The following ARHGAP24 variants were observed in gnomAD, a reference collection of about 807,000 sequenced individuals.
ARHGAP24 encodes Rho GTPase activating protein 24.
Under a neutral mutation model 76.4 loss-of-function variants are expected in ARHGAP24, and 50 were observed. The observed-to-expected ratio is 0.65, with a 90% confidence interval of 0.52 to 0.83. The LOEUF is 0.83. Ranked by LOEUF, ARHGAP24 falls within the 40% of genes least tolerant of loss-of-function variation. ARHGAP24 has a pLI of 0.00. For synonymous variants in ARHGAP24, 345 were observed against 323.3 expected, an observed-to-expected ratio of 1.07 and a Z score of -0.72; for missense variants, 930 against 914.2, an observed-to-expected ratio of 1.02 and a Z score of -0.22.
intron 6 of ARHGAP24, among the ~76,000 whole-genome samples, chr4:85,972,974 T>G (rs1266706610): frequency 6.6e-6 from 1 of 152,204 alleles, no homozygotes; most frequent in East Asian, 1.9e-4. Flanking sequence ...GAGAGACCTT[T>G]GGGGTTTTTT....
intron 3 of ARHGAP24, among the ~76,000 whole-genome samples, chr4:85,874,840 T>TTATATAATTTATATATAAATATA (rs1732750308): frequency 1.9e-4 from 1 of 5,338 alleles, no homozygotes; most frequent in African/African-American, 5.9e-4. Flanking sequence ...TAAAATATAT[T>TTATATAATTTATATATAAATATA]TTTATATAAT....
intron 1 of ARHGAP24, among the ~76,000 whole-genome samples, chr4:85,478,958 G>A (rs539047568): frequency 6.6e-6 from 1 of 152,260 alleles, no homozygotes; most frequent in African/African-American, 2.4e-5. Context: ...TTCCTCACTG[G>A]GTAGATTGGT....
At chr4:85,571,815 T>C (rs1214064130) in intron 2 of ARHGAP24, among the ~76,000 whole-genome samples, 2 of 152,226 alleles carry the variant, frequency 1.3e-5, no homozygotes, top group East Asian at 3.8e-4. Flanking sequence ...AGGTAGGTAT[T>C]GTTAACTCTC....
chr4:85,959,156 T>C (rs1738097879), intron 5 of ARHGAP24, among the ~76,000 whole-genome samples: 2 of 152,216 alleles, frequency 1.3e-5, no homozygotes. Context: ...GATGATATGC[T>C]AAACAAGCGA....
intron 3 of ARHGAP24, among the ~76,000 whole-genome samples, chr4:85,763,833 T>C (rs1373492225): frequency 6.6e-6 from 1 of 152,166 alleles, no homozygotes; most frequent in Non-Finnish European, 1.5e-5. Context: ...CACAAATGTA[T>C]GCTTTCTTAC....
intron 2 of ARHGAP24, among the ~76,000 whole-genome samples, chr4:85,636,385 T>C (rs1206558426): frequency 1.3e-5 from 2 of 151,994 alleles, no homozygotes; most frequent in Non-Finnish European, 2.9e-5. Flanking sequence ...CAGAGTCCCC[T>C]GACACTTGAG....
intron 3 of ARHGAP24, among the ~76,000 whole-genome samples, chr4:85,897,863 G>T (rs1377032022): frequency 2.6e-5 from 4 of 151,906 alleles, no homozygotes; most frequent in African/African-American, 9.7e-5. Context: ...GCAAGCAAGG[G>T]GGGAGATAAA....
chr4:85,648,043 C>T (rs1242095664), intron 2 of ARHGAP24, among the ~76,000 whole-genome samples: 1 of 152,110 alleles, frequency 6.6e-6, no homozygotes, highest in Non-Finnish European at 1.5e-5. Context: ...ATAAATGCGT[C>T]TAAGTAAGTC....
intron 3 of ARHGAP24, among the ~76,000 whole-genome samples, chr4:85,751,648 C>T (rs962737256): frequency 6.6e-6 from 1 of 152,158 alleles, no homozygotes; most frequent in Non-Finnish European, 1.5e-5. Context: ...AATGAGAAAA[C>T]AGTGTGGATT....
intron 8 of ARHGAP24, among the ~76,000 whole-genome samples, chr4:85,982,566 C>T (rs1043746553): frequency 6.6e-6 from 1 of 152,094 alleles, no homozygotes; most frequent in African/African-American, 2.4e-5. Flanking sequence ...TTCAGGAGAC[C>T]TCACTGAGCA....
At chr4:85,719,520 A>G (rs902337856) in intron 2 of ARHGAP24, among the ~76,000 whole-genome samples, 37 of 152,214 alleles carry the variant, frequency 2.4e-4, no homozygotes, top group African/African-American at 8.9e-4. Flanking sequence ...AAAATTGAGT[A>G]AAATACTACT....
At chr4:85,731,573 C>T (rs1412099596) in intron 3 of ARHGAP24, among the ~76,000 whole-genome samples, 4 of 152,140 alleles carry the variant, frequency 2.6e-5, no homozygotes. Context: ...TTCCCAGTGC[C>T]TCCTGAGACT....
intron 3 of ARHGAP24, among the ~76,000 whole-genome samples, chr4:85,867,898 C>CAT (rs113874290): frequency 0.028 from 2,936 of 106,664 alleles, 107 homozygotes; most frequent in African/African-American, 0.079. Flanking sequence ...TGTGTGTGTA[C>CAT]ATATATATAT....
chr4:85,949,340 T>G (rs2118042), intron 5 of ARHGAP24, among the ~76,000 whole-genome samples: 1 of 152,028 alleles, frequency 6.6e-6, no homozygotes, highest in Non-Finnish European at 1.5e-5. Context: ...AATCCAAATG[T>G]TTTTAGTTTA....
intron 1 of ARHGAP24, among the ~76,000 whole-genome samples, chr4:85,524,548 G>A (rs1033026456): frequency 2.6e-5 from 4 of 152,144 alleles, no homozygotes; most frequent in Admixed American, 6.5e-5. Flanking sequence ...GATTGATGAG[G>A]TTATTCCTAT....
At position 85,586,419 on chromosome 4, in the gene ARHGAP24, C is replaced by T. The variant is rs72979956; in HGVS notation, c.180+15698C>T. 3.4e-3 allele frequency among the ~76,000 whole-genome samples: 521 copies of T among 152,222 alleles called. 1 individual carries two copies. The highest frequency in any genetic ancestry group is 0.012 in the African/African-American group (498 of 41,528). ...ACCTGTGAATACAGTTTCATGGTGACATGTGATTGGTTGAATAAGAGACTC... is the reference window on the plus strand; with the variant it reads ...ACCTGTGAATACAGTTTCATGGTGATATGTGATTGGTTGAATAAGAGACTC... On this transcript the variant is annotated intron_variant, in intron 2 of 9. Coordinates refer to ENST00000395184, the MANE Select transcript of ARHGAP24 (RefSeq NM_001025616.3).
rs538201327 is a variant in ARHGAP24 at position 85,729,928 on chromosome 4, G to A, written c.268+7956G>A. Among the ~76,000 whole-genome samples the A allele has an allele frequency of 2.4e-3, 361 of 152,254 alleles. 1 individual carries two copies. The highest frequency in any genetic ancestry group is 3.8e-3 in the Non-Finnish European group (258 of 68,016). ...GATAAAAAAAGCAAACCTATGAAAA[G>A]GAAGATGAAATACTGATATAAATCA... On this transcript the variant is annotated intron_variant, in intron 3 of 9. Coordinates refer to ENST00000395184, the MANE Select transcript of ARHGAP24 (RefSeq NM_001025616.3).
intron 3 of ARHGAP24, among the ~76,000 whole-genome samples, chr4:85,738,135 C>T (rs1428882932): frequency 2.0e-5 from 3 of 151,884 alleles, no homozygotes; most frequent in East Asian, 1.9e-4. Context: ...TGGCCAGGCT[C>T]GTCTCGAACT....
chr4:85,718,086 G>T (rs1421939524), intron 2 of ARHGAP24, among the ~76,000 whole-genome samples: 1 of 151,972 alleles, frequency 6.6e-6, no homozygotes, highest in Non-Finnish European at 1.5e-5. Context: ...TTATCTCTTA[G>T]GTATTTGCCC....
Sources: allele counts gnomAD v4.1 joint callset (sites outside exome capture counted in the v4.1 genomes callset), GRCh38; gene constraint gnomAD v4.1.1; transcripts MANE v1.5; gene names NCBI Gene and HGNC (gene_info 2026-07-23, HGNC 2026-07-21).